Variants in RPAP2 observed in about 807,000 individuals in gnomAD.
RPAP2 encodes RNA polymerase II associated protein 2, also known as putative RNA polymerase II subunit B1 CTD phosphatase RPAP2.
RPAP2 carries 52 observed loss-of-function variants against 73.1 expected under a neutral mutation model. That is an observed-to-expected ratio of 0.71 (90% confidence interval 0.57 to 0.90). The LOEUF is 0.90. Ranked by LOEUF, RPAP2 falls within the 40% of genes least tolerant of loss-of-function variation. The pLI is 0.00. For synonymous variants in RPAP2, 225 were observed against 242.1 expected, an observed-to-expected ratio of 0.93 and a Z score of 0.65; for missense variants, 598 against 701.8, an observed-to-expected ratio of 0.85 and a Z score of 1.67.
chr1:92,376,558 T>G (rs1249210411), intron 11 of RPAP2, among the ~76,000 whole-genome samples: 1 of 152,230 alleles, frequency 6.6e-6, no homozygotes. Context: ...TAGAAATCTC[T>G]AGGCCCCAAG....
At chr1:92,318,845 A>G (rs1306561425) in intron 6 of RPAP2, among the ~76,000 whole-genome samples, 5 of 152,222 alleles carry the variant, frequency 3.3e-5, no homozygotes, top group Non-Finnish European at 7.3e-5. Context: ...AGTGAGAGCC[A>G]TTTCAGGAGA....
chr1:92,346,285 T>A (rs1254956623), intron 11 of RPAP2, among the ~76,000 whole-genome samples: 16 of 151,984 alleles, frequency 1.1e-4, no homozygotes, highest in Admixed American at 1.0e-3. Context: ...CACCTCAGCC[T>A]CTCTAGTGGC....
chr1:92,385,132 C>G (rs953667603), intron 12 of RPAP2, among the ~76,000 whole-genome samples: 4 of 149,680 alleles, frequency 2.7e-5, no homozygotes, highest in African/African-American at 7.4e-5. Flanking sequence ...CATGATCACA[C>G]CACTGCACTC....
chr1:92,352,328 C>T (rs1414173730), intron 11 of RPAP2, among the ~76,000 whole-genome samples: 2 of 152,220 alleles, frequency 1.3e-5, no homozygotes, highest in African/African-American at 4.8e-5. Flanking sequence ...AAAGCCATCA[C>T]TGGACATAGG....
At chr1:92,381,614 T>A (rs1318050339) in intron 12 of RPAP2, among the ~76,000 whole-genome samples, 3 of 151,438 alleles carry the variant, frequency 2.0e-5, no homozygotes, top group Non-Finnish European at 4.4e-5. Flanking sequence ...TAACGTTTTT[T>A]AAATTATAAA....
At chr1:92,305,019 C>G (rs902502301) in intron 5 of RPAP2, among the ~76,000 whole-genome samples, 1 of 152,028 alleles carries the variant, frequency 6.6e-6, no homozygotes, top group African/African-American at 2.4e-5. Flanking sequence ...CCTGTAGTCC[C>G]AGCTACTCAG....
intron 2 of RPAP2, among the ~76,000 whole-genome samples, 195 bp from the exon 3 acceptor site, chr1:92,301,281 C>T (rs553723227): frequency 3.8e-4 from 58 of 151,958 alleles, no homozygotes; most frequent in African/African-American, 1.2e-3. Flanking sequence ...GCCAGGAGCT[C>T]GAGACCAGTT....
chr1:92,322,537 C>T (rs1348577807), intron 7 of RPAP2, among the ~76,000 whole-genome samples: 5 of 149,572 alleles, frequency 3.3e-5, no homozygotes, highest in Non-Finnish European at 7.4e-5. Context: ...GAGCAAGACT[C>T]CATCTCAAAT....
chr1:92,351,305 CAAAAAAAAA>C (rs60111119), intron 11 of RPAP2, among the ~76,000 whole-genome samples: 3 of 86,840 alleles, frequency 3.5e-5, no homozygotes, highest in African/African-American at 4.2e-5. Flanking sequence ...GACTCTGTCT[CAAAAAAAAA>C]AAAAAAAAAA....
rs147556010 is a variant in RPAP2, at chr1:92,337,357, A to T, written c.1619+930A>T. On this transcript the variant is annotated intron_variant, in intron 10 of 12. Coordinates refer to ENST00000610020, the MANE Select transcript of RPAP2 (RefSeq NM_024813.3). ...AGTAACACCTAATAGACATCATTTT[A>T]AACTGGCAAATTTAAAAACATCAGT... Among the ~76,000 whole-genome samples the T allele has an allele frequency of 1.8e-4, 27 of 152,232 alleles. No homozygotes were observed. The East Asian group carries it at 5.2e-3, about 29-fold the overall frequency.
At position 92,393,262 on chromosome 1, in the gene RPAP2, A is replaced by G. The variant is rs1656099895; in HGVS notation, c.*6251A>G. 6.6e-6 allele frequency: 1 copy of G among 152,196 alleles called. No homozygotes were observed. Among genetic ancestry groups the G allele is most frequent in the South Asian group, 2.1e-4 (1 of 4,830 alleles). The allele number at this position is 152,196 out of a possible 1,614,324, so 9.4% of individuals were successfully genotyped here. On this transcript the variant is annotated 3_prime_UTR_variant, in exon 13 of 13. Transcript: ENST00000610020. The stretch of plus-strand genomic sequence containing the variant: ...TCCCTATTTAATAAATGGTGTTGGG[A>G]AAACGGGCTAGCCATATGCAGAAAA...
chr1:92,340,723 C>T (rs1036774589), intron 10 of RPAP2, among the ~76,000 whole-genome samples: 2 of 152,072 alleles, frequency 1.3e-5, no homozygotes, highest in Non-Finnish European at 2.9e-5. Flanking sequence ...GCAGCTTTTT[C>T]GGCTCTATGA....
intron 1 of RPAP2, 79 bp from the exon 2 acceptor site, chr1:92,300,115 T>A (rs1208926373): frequency 1.0e-5 from 10 of 954,278 alleles, no homozygotes; most frequent in Non-Finnish European, 1.5e-5. Flanking sequence ...TATTTTAATC[T>A]TATGAGACCG....
intron 11 of RPAP2, among the ~76,000 whole-genome samples, chr1:92,368,104 G>A (rs1256897541): frequency 6.6e-6 from 1 of 152,138 alleles, no homozygotes; most frequent in African/African-American, 2.4e-5. Context: ...AGACAATAGG[G>A]ACCAGAATGG....
chr1:92,303,932 T>C, intron 3 of RPAP2, 45 bp from the exon 4 acceptor site: 1 of 1,372,696 alleles, frequency 7.3e-7, no homozygotes, highest in Non-Finnish European at 1.0e-6. Flanking sequence ...ATAAATGAAC[T>C]TTTCTATTAA....
Position 92,387,152 on chromosome 1 carries a change from C to A in RPAP2, c.*141C>A. 2 of 776,642 alleles carry A rather than the reference C, an allele frequency of 2.6e-6. No individual in the cohort carries two copies. The highest frequency in any genetic ancestry group is 3.9e-6 in the Non-Finnish European group (2 of 512,648). 48.1% of individuals were successfully genotyped at this position (776,642 alleles called of 1,614,324 possible). ...ACCTCTTTAAGTTTCAATCTCCCAT[C>A]TCCCAGTCCTTCAGTCCCCAACTGC... On this transcript the variant is annotated 3_prime_UTR_variant, in exon 13 of 13. Transcript: ENST00000610020.
chr1:92,313,826 A>G (rs1459943042), intron 6 of RPAP2, among the ~76,000 whole-genome samples: 2 of 152,228 alleles, frequency 1.3e-5, no homozygotes, highest in Non-Finnish European at 2.9e-5. Context: ...GATCTGTTGG[A>G]TAACTTGCTG....
rs1045372784 is a variant in RPAP2 at position 92,323,728 on chromosome 1, G to A, written c.808G>A (p.Val270Ile). The change falls in exon 8 of 13, where the codon GTC becomes ATC. Residue 270 changes from valine to isoleucine, a missense_variant. By Grantham distance (29) the Val-to-Ile change is conservative (BLOSUM62 3). This residue lies in a region of RPAP2 where 506 missense variants were observed against 612.8 expected (regional missense o/e 0.83). Transcript: ENST00000610020. The stretch of plus-strand genomic sequence containing the variant: ...AGACAAAGAACAGACAGTAGTAGAT[G>A]TCACTGAGCAGTTAGGCGATTGCAA... ...HKDKEQTVVD[V>I]TEQLGDCKLD... 7 of 1,614,170 alleles carry A rather than the reference G, an allele frequency of 4.3e-6. No homozygotes were observed. The East Asian group carries it at 1.3e-4, about 31-fold the overall frequency.
chr1:92,378,964 A>G (rs572160942), intron 11 of RPAP2, among the ~76,000 whole-genome samples: 4 of 152,356 alleles, frequency 2.6e-5, no homozygotes, highest in South Asian at 2.1e-4. Flanking sequence ...TTAGAATTCT[A>G]TGGATTTCAT....
Sources: gnomAD v4.1 joint callset for allele counts (sites outside exome capture counted in the v4.1 genomes callset) on GRCh38, gnomAD v4.1.1 for gene constraint, gnomAD v4.1.1 regional missense constraint, MANE v1.5 for transcripts, NCBI Gene and HGNC (gene_info 2026-07-23, HGNC 2026-07-21) for gene names.